Variants in NRXN3 observed in about 807,000 individuals in gnomAD.
NRXN3 encodes neurexin 3.
A neutral mutation model predicts 137.6 loss-of-function variants in NRXN3; 32 were observed. The observed-to-expected ratio is 0.23, with a 90% CI of 0.18 to 0.31. NRXN3 has a LOEUF of 0.31. Among genes scored for constraint, NRXN3 ranks in the 10% least tolerant of loss-of-function variants. The pLI is 1.00. For synonymous variants in NRXN3, 798 were observed against 784.5 expected, an observed-to-expected ratio of 1.02 and a Z score of -0.29; for missense variants, 1,574 against 2,062.5, an observed-to-expected ratio of 0.76 and a Z score of 4.59.
At chr14:79,182,639 G>A (rs1359114608) in intron 15 of NRXN3, among the ~76,000 whole-genome samples, 1 of 152,132 alleles carries the variant, frequency 6.6e-6, no homozygotes. Flanking sequence ...ACCTCCTGCT[G>A]TGTGGCCCCA....
intron 4 of NRXN3, among the ~76,000 whole-genome samples, chr14:78,595,115 T>C (rs1306288549): frequency 6.6e-6 from 1 of 152,070 alleles, no homozygotes; most frequent in African/African-American, 2.4e-5. Flanking sequence ...GATAATGAAA[T>C]ACAGGGTGGC....
intron 15 of NRXN3, among the ~76,000 whole-genome samples, chr14:79,415,829 G>A (rs911234420): frequency 6.6e-6 from 1 of 152,034 alleles, no homozygotes; most frequent in Admixed American, 6.6e-5. Flanking sequence ...TCAAAGCATG[G>A]TCCCTGAACC....
At chr14:78,829,922 T>C (rs1179986016) in intron 10 of NRXN3, among the ~76,000 whole-genome samples, 7 of 152,128 alleles carry the variant, frequency 4.6e-5, no homozygotes, top group Non-Finnish European at 7.4e-5. Flanking sequence ...TTCTAGGCAA[T>C]GGTATTTGAT....
rs1324122802 is a variant in NRXN3 at position 79,063,590 on chromosome 14, A to G, written c.3262+75449A>G. ...TATATTAACAAAACCTTCTTCTTGC[A>G]GTTCAGAACCCATAGGAAATATTAT... On this transcript the variant is annotated intron_variant, in intron 15 of 20. Coordinates refer to ENST00000335750, the MANE Select transcript of NRXN3 (RefSeq NM_001330195.2). Among the ~76,000 whole-genome samples, 9 of 152,156 alleles carry G rather than the reference A, an allele frequency of 5.9e-5. 1 individual carries two copies. Among genetic ancestry groups the G allele is most frequent in the Admixed American group, 5.9e-4 (9 of 15,266 alleles).
At chr14:79,687,310 A>G (rs2098699403) in intron 17 of NRXN3, among the ~76,000 whole-genome samples, 1 of 152,188 alleles carries the variant, frequency 6.6e-6, no homozygotes, top group Non-Finnish European at 1.5e-5. Flanking sequence ...GGTCTGGGAC[A>G]ATGCCAGAAA....
At chr14:78,456,797 C>CTT (rs1567643695) in intron 4 of NRXN3, among the ~76,000 whole-genome samples, 12 of 147,858 alleles carry the variant, frequency 8.1e-5, no homozygotes, top group African/African-American at 2.2e-4. Context: ...CTCTCTCTTT[C>CTT]TCTCTTTCTT....
At chr14:79,281,910 G>A (rs577163055) in intron 15 of NRXN3, 2 of 152,342 alleles carry the variant, frequency 1.3e-5, no homozygotes, top group Admixed American at 6.5e-5. Flanking sequence ...TGTAGTGTAA[G>A]TGGAAGCACA....
chr14:79,377,836 T>C (rs2094349533), intron 15 of NRXN3, among the ~76,000 whole-genome samples: 1 of 152,202 alleles, frequency 6.6e-6, no homozygotes, highest in Non-Finnish European at 1.5e-5. Flanking sequence ...GGTAAATTAA[T>C]GAATTAACAA....
At chr14:78,733,831 A>G (rs2098528326) in intron 8 of NRXN3, among the ~76,000 whole-genome samples, 1 of 152,180 alleles carries the variant, frequency 6.6e-6, no homozygotes, top group Non-Finnish European at 1.5e-5. Context: ...GTATTATATG[A>G]CATGCACTAT....
chr14:78,751,739 G>A (rs1335903936), intron 8 of NRXN3, among the ~76,000 whole-genome samples: 1 of 152,152 alleles, frequency 6.6e-6, no homozygotes, highest in Non-Finnish European at 1.5e-5. Context: ...TAAAGTAAGG[G>A]TGAGTCTTCT....
chr14:78,574,209 C>T (rs201609249), intron 4 of NRXN3, among the ~76,000 whole-genome samples: 22 of 152,318 alleles, frequency 1.4e-4, no homozygotes, highest in African/African-American at 4.6e-4. Context: ...GCTGCAGGGG[C>T]GAAGCCCCTA....
intron 9 of NRXN3, among the ~76,000 whole-genome samples, chr14:78,804,559 A>C (rs189781021): frequency 6.6e-6 from 1 of 152,194 alleles, no homozygotes; most frequent in African/African-American, 2.4e-5. Context: ...TTCTTCTTAT[A>C]TAATACATAT....
chr14:79,772,584 C>G (rs2099082355), intron 19 of NRXN3, among the ~76,000 whole-genome samples: 1 of 152,162 alleles, frequency 6.6e-6, no homozygotes. Context: ...ATGTAGAAAG[C>G]TCAAACTGGA....
At chr14:79,144,878 G>C (rs1382217584) in intron 15 of NRXN3, among the ~76,000 whole-genome samples, 1 of 146,468 alleles carries the variant, frequency 6.8e-6, no homozygotes, top group Non-Finnish European at 1.5e-5. Flanking sequence ...CTCTCATTCT[G>C]TTTCTTCCTC....
chr14:79,633,110 T>A (rs2098373072), intron 16 of NRXN3, among the ~76,000 whole-genome samples: 1 of 152,154 alleles, frequency 6.6e-6, no homozygotes, highest in South Asian at 2.1e-4. Context: ...TGATCTGTAG[T>A]CCATTCTGTT....
intron 16 of NRXN3, among the ~76,000 whole-genome samples, chr14:79,524,830 A>C (rs1336445337): frequency 6.6e-6 from 1 of 152,226 alleles, no homozygotes; most frequent in African/African-American, 2.4e-5. Context: ...AGGTTCAACC[A>C]AGTGTGGACA....
intron 16 of NRXN3, among the ~76,000 whole-genome samples, chr14:79,547,737 A>T (rs1002668355): frequency 6.6e-6 from 1 of 152,162 alleles, no homozygotes; most frequent in Non-Finnish European, 1.5e-5. Flanking sequence ...TCATTGATTC[A>T]TTGGGAGGCT....
rs551836592 is a variant in NRXN3, at chr14:78,413,459, A to G, written c.757+115599A>G. 5.6e-4 allele frequency among the ~76,000 whole-genome samples: 85 copies of G among 151,844 alleles called. 1 individual carries two copies. The South Asian group carries it at 0.016, about 29-fold the overall frequency. On this transcript the variant is annotated intron_variant, in intron 4 of 20. Coordinates refer to ENST00000335750, the MANE Select transcript of NRXN3 (RefSeq NM_001330195.2). ...TGCCACCACGCCCGGCTAATTTTCT[A>G]TTTTCAGTAGAGACGAGGTTTCTCC...
chr14:78,861,064 G>T (rs1415903745), intron 10 of NRXN3, among the ~76,000 whole-genome samples: 1 of 149,556 alleles, frequency 6.7e-6, no homozygotes. Flanking sequence ...TGTGTATCAT[G>T]TATATTACCA....
Sources: gnomAD v4.1 joint callset for allele counts (sites outside exome capture counted in the v4.1 genomes callset) on GRCh38, gnomAD v4.1.1 for gene constraint, MANE v1.5 for transcripts, NCBI Gene and HGNC (gene_info 2026-07-23, HGNC 2026-07-21) for gene names.